Variants in HIPK2 observed in about 807,000 individuals in gnomAD.
HIPK2 encodes the protein homeodomain-interacting protein kinase 2.
In HIPK2, 27 loss-of-function variants were observed where a neutral mutation model predicts 113.7. That is an observed-to-expected ratio of 0.24 (90% CI 0.17 to 0.33). The LOEUF (loss-of-function observed/expected upper bound fraction) is 0.33. Ranked by LOEUF, HIPK2 falls within the 10% of genes least tolerant of loss-of-function variation. HIPK2 has a pLI of 1.00. For synonymous variants in HIPK2, 631 were observed against 642.2 expected (o/e 0.98, Z 0.26); for missense variants, 1,257 against 1,588.0 (o/e 0.79, Z 3.54).
chr7:139,604,798 A>C (rs1174374906), intron 9 of HIPK2, among the ~76,000 whole-genome samples: 1 of 151,756 alleles, frequency 6.6e-6, no homozygotes, highest in Non-Finnish European at 1.5e-5. Flanking sequence ...TGATTTCTTT[A>C]TAAATTTGCT....
rs2116376545 is a variant in HIPK2 at position 139,563,894 on chromosome 7, TG to T, written c.*9032del. Reference sequence around the variant, plus strand: ...CAGCAGGTCCTCTGCAGTTTGGTGGTGGCACAAGAGAAAACATAAAAGAAAC... The same window carrying T: ...CAGCAGGTCCTCTGCAGTTTGGTGGTGCACAAGAGAAAACATAAAAGAAAC... On this transcript the variant is annotated 3_prime_UTR_variant, in exon 15 of 15. Transcript: ENST00000406875. The T allele has an allele frequency of 2.5e-6, 1 of 398,634 alleles. No homozygotes were observed. The highest frequency in any genetic ancestry group is 4.4e-5 in the Admixed American group (1 of 22,736). The allele number at this position is 398,634 out of a possible 1,614,324, so 24.7% of individuals were successfully genotyped here. A position where few individuals can be genotyped will look rare whatever the true frequency, so the allele number is the denominator to read the frequency against.
At chr7:139,612,695 C>T (rs1799877643) in intron 9 of HIPK2, among the ~76,000 whole-genome samples, 4 of 152,204 alleles carry the variant, frequency 2.6e-5, no homozygotes, top group Admixed American at 2.6e-4. Flanking sequence ...AACCATTTTT[C>T]ATCTCTGCCA....
At chr7:139,634,819 A>G (rs1382167748) in intron 2 of HIPK2, among the ~76,000 whole-genome samples, 1 of 151,734 alleles carries the variant, frequency 6.6e-6, no homozygotes, top group Non-Finnish European at 1.5e-5. Flanking sequence ...CTGGGATTAC[A>G]GGCACCTACC....
intron 1 of HIPK2, among the ~76,000 whole-genome samples, chr7:139,747,442 C>T (rs1210426497): frequency 2.6e-5 from 4 of 152,208 alleles, no homozygotes; most frequent in Admixed American, 6.5e-5. Context: ...AGAAACATCT[C>T]GGTCTGCCCA....
At position 139,760,299 on chromosome 7, in the gene HIPK2, C is replaced by T. The variant is rs531527879; in HGVS notation, c.19+17306G>A. Reference sequence around the variant, plus strand: ...GATTACAGGCGTGAGCCACCGCACCCGGCCCACATCTACATAGTTTTGACC... The same window carrying T: ...GATTACAGGCGTGAGCCACCGCACCTGGCCCACATCTACATAGTTTTGACC... On this transcript the variant is annotated intron_variant, in intron 1 of 14. Coordinates refer to ENST00000406875, the MANE Select transcript of HIPK2 (RefSeq NM_022740.5). Among the ~76,000 whole-genome samples the T allele has an allele frequency of 1.1e-3, 169 of 150,332 alleles. 1 individual carries two copies. Among genetic ancestry groups the T allele is most frequent in the Non-Finnish European group, 1.4e-3 (98 of 68,028 alleles).
chr7:139,611,781 T>A (rs1256954885), intron 9 of HIPK2, among the ~76,000 whole-genome samples: 1 of 152,120 alleles, frequency 6.6e-6, no homozygotes, highest in Non-Finnish European at 1.5e-5. Flanking sequence ...TGGGCTCAAG[T>A]GATCCTCTCA....
intron 1 of HIPK2, among the ~76,000 whole-genome samples, chr7:139,753,025 C>T (rs1320457950): frequency 2.6e-5 from 4 of 152,210 alleles, no homozygotes; most frequent in African/African-American, 9.6e-5. Flanking sequence ...TAGGCTTGGG[C>T]AAGCACAGGT....
chr7:139,711,289 G>T (rs1041498172), intron 2 of HIPK2, among the ~76,000 whole-genome samples: 2 of 152,104 alleles, frequency 1.3e-5, no homozygotes, highest in Non-Finnish European at 2.9e-5. Context: ...TTAGCCAGGC[G>T]TGGTCATGGG....
chr7:139,598,483 C>A (rs1799301797), intron 11 of HIPK2, among the ~76,000 whole-genome samples: 1 of 152,162 alleles, frequency 6.6e-6, no homozygotes, highest in African/African-American at 2.4e-5. Flanking sequence ...TTTTTCACTA[C>A]CAATGGTTTT....
At position 139,714,349 on chromosome 7, in the gene HIPK2, G is replaced by A. The variant is rs1795157053; in HGVS notation, c.1103+1583C>T. 1.3e-5 allele frequency among the ~76,000 whole-genome samples: 2 copies of A among 152,206 alleles called. No individual in the cohort carries two copies. Among genetic ancestry groups the A allele is most frequent in the Admixed American group, 1.3e-4 (2 of 15,286 alleles). Reference sequence around the variant, plus strand: ...GATTAGGATGAAAGGAGACGGGGTGGAAGGTGGGAGGGCATCTGGGGATCC... The same window carrying A: ...GATTAGGATGAAAGGAGACGGGGTGAAAGGTGGGAGGGCATCTGGGGATCC... On this transcript the variant is annotated intron_variant, in intron 2 of 14. Transcript: ENST00000406875. The surrounding 1 kb of genome is among the most constrained non-coding windows in gnomAD (Gnocchi z 4.2).
chr7:139,652,719 G>C (rs568373609), intron 2 of HIPK2, among the ~76,000 whole-genome samples: 1 of 152,304 alleles, frequency 6.6e-6, no homozygotes, highest in Admixed American at 6.5e-5. Context: ...GGAAGAACAG[G>C]AGAGAATTCA....
chr7:139,668,536 A>C (rs1802141485), intron 2 of HIPK2, among the ~76,000 whole-genome samples: 1 of 148,426 alleles, frequency 6.7e-6, no homozygotes, highest in East Asian at 2.0e-4. Flanking sequence ...GCGCCACTGC[A>C]CTCCAGCCTG....
chr7:139,684,441 T>C (rs539225975), intron 2 of HIPK2, among the ~76,000 whole-genome samples: 2 of 152,206 alleles, frequency 1.3e-5, no homozygotes, highest in East Asian at 3.9e-4. Context: ...ACAGGGCTGG[T>C]TGTGGTGGCT....
At position 139,626,685 on chromosome 7, in the gene HIPK2, G is replaced by T; in HGVS notation, c.1535C>A (p.Ala512Asp). 6.2e-7 allele frequency: 1 copy of T among 1,613,958 alleles called. No individual in the cohort carries two copies. Among genetic ancestry groups the T allele is most frequent in the Non-Finnish European group, 8.5e-7 (1 of 1,179,888 alleles). ...TTCGATTGGAGTGATTCTCTTGTCA[G>T]CATCAATGGTCAGCATCTTCTTCAA... ...DLLKKMLTID[A>D]DKRITPIETL... Residue 512 changes from alanine to aspartate, a missense_variant, in exon 6 of 15, where the codon GCT becomes GAT. Ala to Asp is a moderately radical substitution (Grantham distance 126). Coordinates refer to ENST00000406875, the MANE Select transcript of HIPK2 (RefSeq NM_022740.5).
chr7:139,677,230 GATATTATAT>G (rs1399890316), intron 2 of HIPK2, among the ~76,000 whole-genome samples: 2 of 143,504 alleles, frequency 1.4e-5, no homozygotes, highest in Non-Finnish European at 3.0e-5. Context: ...GAGAGGGGCT[GATATTATAT>G]ATATTATATA....
At chr7:139,701,004 A>G (rs1794691394) in intron 2 of HIPK2, among the ~76,000 whole-genome samples, 1 of 152,246 alleles carries the variant, frequency 6.6e-6, no homozygotes, top group Non-Finnish European at 1.5e-5. Flanking sequence ...AAAATAGCAC[A>G]TTTCTCAGAG....
chr7:139,639,043 C>G (rs921585450), intron 2 of HIPK2, among the ~76,000 whole-genome samples: 1 of 152,202 alleles, frequency 6.6e-6, no homozygotes, highest in Admixed American at 6.5e-5. Context: ...CTCACTTGTC[C>G]TTGATCCTCA....
At chr7:139,763,398 G>A (rs1796499665) in intron 1 of HIPK2, among the ~76,000 whole-genome samples, 1 of 151,954 alleles carries the variant, frequency 6.6e-6, no homozygotes, top group Non-Finnish European at 1.5e-5. Context: ...GCTAGCTACA[G>A]GGATCCAAAC....
chr7:139,611,209 T>G (rs1240212837), intron 9 of HIPK2, among the ~76,000 whole-genome samples: 1 of 152,248 alleles, frequency 6.6e-6, no homozygotes, highest in African/African-American at 2.4e-5. Flanking sequence ...TTTATGAGCC[T>G]GGTGTAACCT....
Sources: allele counts gnomAD v4.1 joint callset (sites outside exome capture counted in the v4.1 genomes callset), GRCh38; gene constraint gnomAD v4.1.1; non-coding constraint Gnocchi (gnomAD v3.1); transcripts MANE v1.5; gene names NCBI Gene and HGNC (gene_info 2026-07-23, HGNC 2026-07-21).